Variants in KSR2 observed in about 807,000 individuals in gnomAD.
KSR2 encodes kinase suppressor of ras 2.
In KSR2, 25 loss-of-function variants were observed where a neutral mutation model predicts 107.8. That is an observed-to-expected ratio of 0.23 (90% CI 0.17 to 0.32). The LOEUF is 0.32. Among genes scored for constraint, KSR2 ranks in the 10% least tolerant of loss-of-function variants. The pLI is 1.00. For synonymous variants in KSR2, 480 were observed against 507.0 expected (o/e 0.95, Z 0.71); for missense variants, 887 against 1,268.9 (o/e 0.70, Z 4.57).
chr12:117,775,759 GGAAT>G (rs762695418), intron 3 of KSR2, among the ~76,000 whole-genome samples: 1 of 152,112 alleles, frequency 6.6e-6, no homozygotes, highest in East Asian at 1.9e-4. Flanking sequence ...GCCATAAAAA[GGAAT>G]GAATGAATGA....
At position 117,459,773 on chromosome 12, in the gene KSR2, T is replaced by A. The variant is rs975485340; in HGVS notation, c.*7426A>T. ...GTGGTGTTCTTGTTCATGGAACCAC[T>A]GTCCACATGGATGGAATCGGGCTCT... is the stretch of plus-strand genomic sequence containing the variant. On this transcript the variant is annotated 3_prime_UTR_variant, in exon 20 of 20. Transcript: ENST00000339824. 3 of 152,260 alleles carry A rather than the reference T, an allele frequency of 2.0e-5. No homozygotes were observed. Among genetic ancestry groups the A allele is most frequent in the Admixed American group, 1.3e-4 (2 of 15,286 alleles). 9.4% of individuals were successfully genotyped at this position (152,260 alleles called of 1,614,324 possible). A position where few individuals can be genotyped will look rare whatever the true frequency, so the allele number is the denominator to read the frequency against.
intron 3 of KSR2, among the ~76,000 whole-genome samples, chr12:117,792,062 C>T (rs924583029): frequency 4.6e-5 from 7 of 152,054 alleles, no homozygotes; most frequent in African/African-American, 1.2e-4. Context: ...TTTGGCCAAG[C>T]GCAGTGGCTC....
At chr12:117,682,029 C>A (rs939954447) in intron 4 of KSR2, among the ~76,000 whole-genome samples, 1 of 152,140 alleles carries the variant, frequency 6.6e-6, no homozygotes, top group Admixed American at 6.5e-5. Context: ...AAATGCCCAT[C>A]AATGATAGAC....
At chr12:117,680,475 A>G (rs908781590) in intron 4 of KSR2, among the ~76,000 whole-genome samples, 3 of 152,140 alleles carry the variant, frequency 2.0e-5, no homozygotes, top group African/African-American at 7.2e-5. Context: ...TGCTCTAAAC[A>G]ATCCCTGCCC....
At position 117,956,542 on chromosome 12, in the gene KSR2, T is replaced by C. The variant is rs1405370172; in HGVS notation, c.180+11534A>G. Among the ~76,000 whole-genome samples, 5 of 152,226 alleles carry C rather than the reference T, an allele frequency of 3.3e-5. No individual in the cohort carries two copies. In the East Asian group the frequency reaches 7.7e-4, roughly 23 times the overall value. ...ATGATTGCACCACCGCATCCCAGCC[T>C]GGGCGACAGAGCAAGACTTTGTCTC... On this transcript the variant is annotated intron_variant, in intron 1 of 19. Transcript: ENST00000339824.
chr12:117,569,959 G>A (rs1878769270), intron 7 of KSR2, among the ~76,000 whole-genome samples: 1 of 151,956 alleles, frequency 6.6e-6, no homozygotes, highest in Admixed American at 6.5e-5. Context: ...GCTCTCTCCT[G>A]GGGGCAGTTT....
intron 1 of KSR2, among the ~76,000 whole-genome samples, chr12:117,904,987 G>C (rs907428413): frequency 6.6e-6 from 1 of 152,176 alleles, no homozygotes; most frequent in Non-Finnish European, 1.5e-5. Context: ...TTCGAGACCA[G>C]CTTGGCCAAC....
At chr12:117,604,546 T>C (rs1364302463) in intron 5 of KSR2, among the ~76,000 whole-genome samples, 3 of 152,116 alleles carry the variant, frequency 2.0e-5, no homozygotes, top group African/African-American at 7.2e-5. Flanking sequence ...TCTCAATGCC[T>C]AAGAGTTAGA....
intron 14 of KSR2, among the ~76,000 whole-genome samples, chr12:117,495,991 T>A (rs1304111292): frequency 1.4e-5 from 2 of 147,352 alleles, no homozygotes; most frequent in Admixed American, 1.4e-4. Flanking sequence ...AAGGCAGAGG[T>A]TGCAGTGAGC....
intron 5 of KSR2, among the ~76,000 whole-genome samples, chr12:117,646,620 C>T (rs1883656685): frequency 6.6e-6 from 1 of 152,052 alleles, no homozygotes; most frequent in Admixed American, 6.5e-5. Flanking sequence ...GCCAATTAAC[C>T]CCGGGGATCC....
rs566173162 is a variant in KSR2, at chr12:117,689,825, C to A, written c.987-22167G>T. 2.8e-4 allele frequency among the ~76,000 whole-genome samples: 43 copies of A among 151,136 alleles called. No homozygotes were observed. The South Asian group carries it at 7.5e-3, about 26-fold the overall frequency. On this transcript the variant is annotated intron_variant, in intron 4 of 19. Coordinates refer to ENST00000339824, the MANE Select transcript of KSR2 (RefSeq NM_173598.6). Reference sequence around the variant, plus strand: ...GGTAGTTATGGTCACAGAAAAAGAGCTAGATGGGTTTAAACTGAGAAAGAT... The same window carrying A: ...GGTAGTTATGGTCACAGAAAAAGAGATAGATGGGTTTAAACTGAGAAAGAT...
At chr12:117,868,254 C>T (rs1000344086) in intron 1 of KSR2, among the ~76,000 whole-genome samples, 2 of 151,874 alleles carry the variant, frequency 1.3e-5, no homozygotes, top group African/African-American at 4.8e-5. Flanking sequence ...ATAGTGAAAC[C>T]CTGTCTCTAC....
intron 1 of KSR2, among the ~76,000 whole-genome samples, chr12:117,867,346 C>T (rs1436838075): frequency 6.6e-6 from 1 of 152,012 alleles, no homozygotes; most frequent in Non-Finnish European, 1.5e-5. Flanking sequence ...TCCCTAAACA[C>T]ATGCAGGACC....
intron 1 of KSR2, among the ~76,000 whole-genome samples, chr12:117,904,162 T>C (rs973564504): frequency 3.9e-4 from 60 of 152,202 alleles, no homozygotes; most frequent in African/African-American, 1.2e-3. Context: ...ACAAGAAATA[T>C]GTCTGCAGCC....
At chr12:117,890,572 G>A (rs1397059237) in intron 1 of KSR2, among the ~76,000 whole-genome samples, 1 of 152,172 alleles carries the variant, frequency 6.6e-6, no homozygotes, top group Non-Finnish European at 1.5e-5. Context: ...GCCTTTTGCA[G>A]GTTCTAAGAA....
intron 5 of KSR2, among the ~76,000 whole-genome samples, chr12:117,651,107 A>G (rs894716539): frequency 2.6e-5 from 4 of 152,054 alleles, no homozygotes; most frequent in Admixed American, 2.6e-4. Flanking sequence ...ACTCTGATGG[A>G]CCCTTTTTGC....
At chr12:117,766,531 A>G (rs1889233671) in intron 3 of KSR2, among the ~76,000 whole-genome samples, 1 of 152,176 alleles carries the variant, frequency 6.6e-6, no homozygotes, top group Admixed American at 6.5e-5. Context: ...CTTCGAAATG[A>G]TTAATTTTAT....
chr12:117,918,931 A>G (rs1236205661), intron 1 of KSR2, among the ~76,000 whole-genome samples: 1 of 152,110 alleles, frequency 6.6e-6, no homozygotes, highest in Non-Finnish European at 1.5e-5. Flanking sequence ...ATGGAAACAC[A>G]GCCCCCTACC....
intron 5 of KSR2, among the ~76,000 whole-genome samples, chr12:117,648,768 C>A (rs1000607146): frequency 1.3e-5 from 2 of 152,112 alleles, no homozygotes; most frequent in Non-Finnish European, 2.9e-5. Flanking sequence ...TGGCATGGGC[C>A]AAATAGAAAC....
Sources: gnomAD v4.1 joint callset for allele counts (sites outside exome capture counted in the v4.1 genomes callset) on GRCh38, gnomAD v4.1.1 for gene constraint, MANE v1.5 for transcripts, NCBI Gene and HGNC (gene_info 2026-07-23, HGNC 2026-07-21) for gene names.